Variants in MED4 observed in about 807,000 individuals in gnomAD.
MED4 encodes the protein mediator complex subunit 4, also known as mediator of RNA polymerase II transcription subunit 4.
MED4 carries 21 observed loss-of-function variants against 35.0 expected under a neutral mutation model. The ratio of observed to expected loss-of-function variants is 0.60; its 90% CI spans 0.43 to 0.86. The LOEUF (loss-of-function observed/expected upper bound fraction) is 0.86. Ranked by LOEUF, MED4 falls within the 40% of genes least tolerant of loss-of-function variation. MED4 has a pLI of 0.00. For missense variants in MED4, 300 were observed against 319.4 expected, an observed-to-expected ratio of 0.94 and a Z score of 0.46; for synonymous variants, 138 against 114.0, an observed-to-expected ratio of 1.21 and a Z score of -1.34.
chr13:48,083,373 T>C lies in MED4; in HGVS notation c.419A>G (p.Lys140Arg), dbSNP rs1950824290. Reference protein sequence around the residue: ...EKLKSIEKARKGAISSEEIIK... With the variant: ...EKLKSIEKARRGAISSEEIIK... The stretch of plus-strand genomic sequence containing the variant: ...TTCAGTCTTCCCATGATACTAACCT[T>C]TTCTTGCTTTTTCTATTGACTTGAG... The change falls in exon 4 of 7, where the codon AAA (lysine) becomes AGA (arginine). Residue 140 changes from lysine (K) to arginine (R), a missense_variant and splice_region_variant. Physicochemically the swap from Lys to Arg is conservative, Grantham distance 26 (BLOSUM62 2). Coordinates refer to ENST00000258648, the MANE Select transcript of MED4 (RefSeq NM_014166.4). The C allele has an allele frequency of 6.2e-7, 1 of 1,612,558 alleles. No homozygotes were observed. The highest frequency in any genetic ancestry group is 1.3e-5 in the African/African-American group (1 of 75,008).
In MED4 at chr13:48,077,017, A is replaced by G. The variant is rs1950764467; in HGVS notation, c.*122T>C. 5 of 878,354 alleles carry G rather than the reference A, an allele frequency of 5.7e-6. No individual in the cohort carries two copies. Among genetic ancestry groups the G allele is most frequent in the Admixed American group, 3.5e-5 (1 of 28,442 alleles). The allele number at this position is 878,354 out of a possible 1,614,324, so 54.4% of individuals were successfully genotyped here. A position where few individuals can be genotyped will look rare whatever the true frequency, so the allele number is the denominator to read the frequency against. ...AATTTTGACTTTTAATGACTGCACA[A>G]TTCTACCAAAGCCAGTGTTTACCTG... On this transcript the variant is annotated 3_prime_UTR_variant, in exon 7 of 7. Transcript: ENST00000258648.
At chr13:48,094,197 A>G (rs1950908973) in intron 1 of MED4, among the ~76,000 whole-genome samples, 1 of 152,036 alleles carries the variant, frequency 6.6e-6, no homozygotes, top group Admixed American at 6.6e-5. Flanking sequence ...TACATTTAAG[A>G]AGGAGTTATG....
rs979198265 is a variant in MED4, at chr13:48,076,050, T to C, written c.*1089A>G. The stretch of plus-strand genomic sequence containing the variant: ...CAGGAAATAAACATTATTCTCATTT[T>C]ACAAAAAAGTGTATGTGAACTTTAA... On this transcript the variant is annotated 3_prime_UTR_variant, in exon 7 of 7. Transcript: ENST00000258648. The C allele has an allele frequency of 2.6e-5, 4 of 152,208 alleles. No individual in the cohort carries two copies. The highest frequency in any genetic ancestry group is 7.2e-5 in the African/African-American group (3 of 41,468). 9.4% of individuals were successfully genotyped at this position (152,208 alleles called of 1,614,324 possible).
chr13:48,076,945 G>T lies in MED4; in HGVS notation c.*194C>A, dbSNP rs555592655. ...TATTCCCCTAAATATCTACCTAGTG[G>T]CTTAAAACTAAAACTATGGTCTTTG... On this transcript the variant is annotated 3_prime_UTR_variant, in exon 7 of 7. Coordinates refer to ENST00000258648, the MANE Select transcript of MED4 (RefSeq NM_014166.4). 4.6e-4 allele frequency: 222 copies of T among 477,596 alleles called. 1 individual carries two copies. In the South Asian group the frequency reaches 7.0e-3, roughly 15 times the overall value. The allele number at this position is 477,596 out of a possible 1,614,324, so 29.6% of individuals were successfully genotyped here. A position where few individuals can be genotyped will look rare whatever the true frequency, so the allele number is the denominator to read the frequency against.
Position 48,090,708 on chromosome 13 carries a change from A to C in MED4, c.126-290T>G, listed in dbSNP as rs547602989. The stretch of plus-strand genomic sequence containing the variant: ...GCTTGCAAAGGACAGCTATAAAGAA[A>C]GGACCAGGGAAAAGTCATAAAAACT... On this transcript the variant is annotated intron_variant, in intron 1 of 6. Transcript: ENST00000258648. Among the ~76,000 whole-genome samples the C allele has an allele frequency of 1.3e-3, 204 of 152,364 alleles. 1 individual carries two copies. Among genetic ancestry groups the C allele is most frequent in the East Asian group, 1.3e-3 (7 of 5,188 alleles).
chr13:48,087,446 TA>T (rs1214143094), intron 2 of MED4, among the ~76,000 whole-genome samples: 1 of 152,160 alleles, frequency 6.6e-6, no homozygotes, highest in Non-Finnish European at 1.5e-5. Context: ...ACCAAGAACT[TA>T]AGAAAACTTT....
chr13:48,080,396 C>CAAAAAAAAAA (rs57198503), intron 5 of MED4, among the ~76,000 whole-genome samples: 11 of 68,798 alleles, frequency 1.6e-4, no homozygotes, highest in East Asian at 8.2e-4. Flanking sequence ...GACCCTGTCT[C>CAAAAAAAAAA]AAAAAAAAAA....
At chr13:48,084,265 C>CAAAAAAAAAAAA (rs71099664) in intron 3 of MED4, among the ~76,000 whole-genome samples, 2 of 109,974 alleles carry the variant, frequency 1.8e-5, no homozygotes, top group African/African-American at 7.2e-5. Context: ...GACTCTGTCT[C>CAAAAAAAAAAAA]AAAAAAAAAA....
chr13:48,079,217 A>C (rs141580504), intron 6 of MED4, among the ~76,000 whole-genome samples: 115 of 152,312 alleles, frequency 7.6e-4, no homozygotes, highest in African/African-American at 2.5e-3. Flanking sequence ...GTTGTTCAGG[A>C]GTGTGTTCAC....
At chr13:48,094,380 T>C (rs1232871369) in intron 1 of MED4, among the ~76,000 whole-genome samples, 2 of 152,200 alleles carry the variant, frequency 1.3e-5, no homozygotes, top group African/African-American at 4.8e-5. Context: ...CTCCTATCTC[T>C]GACACACAAC....
chr13:48,079,775 A>C, intron 6 of MED4, 69 bp downstream of exon 6: 6 of 1,539,414 alleles, frequency 3.9e-6, no homozygotes, highest in Non-Finnish European at 5.3e-6. Flanking sequence ...CTTTACCGCC[A>C]GATATTCCAA....
rs1001665 is a variant in MED4 at position 48,090,837 on chromosome 13, G to A, written c.126-419C>T. On this transcript the variant is annotated intron_variant, in intron 1 of 6. Coordinates refer to ENST00000258648, the MANE Select transcript of MED4 (RefSeq NM_014166.4). ...AGACAATGCATTATGAGCGATTTATGCAAGAAAAACTCATACATCAGGGGT... is the reference window on the plus strand; with the variant it reads ...AGACAATGCATTATGAGCGATTTATACAAGAAAAACTCATACATCAGGGGT... Among the ~76,000 whole-genome samples, 1,324 of 152,322 alleles carry A rather than the reference G, an allele frequency of 8.7e-3. 16 individuals carry two copies. The highest frequency in any genetic ancestry group is 0.021 in the South Asian group (102 of 4,832).
chr13:48,094,979 G>A lies in MED4; in HGVS notation c.100C>T (p.Leu34Phe), dbSNP rs1217572488. Reference sequence around the variant, plus strand: ...CTAGACAGGACCTCCAAGTCCTCAAGCGCAGACAGCAGCCGCTCTCGTGTG... The same window carrying A: ...CTAGACAGGACCTCCAAGTCCTCAAACGCAGACAGCAGCCGCTCTCGTGTG... ...NSTRERLLSALEDLEVLSREL... is the reference protein window; with the variant it reads ...NSTRERLLSAFEDLEVLSREL... Residue 34 changes from leucine (L) to phenylalanine (F), a missense_variant, in exon 1 of 7, where the codon CTT (leucine) becomes TTT (phenylalanine). Physicochemically the swap from Leu to Phe is conservative, Grantham distance 22. Transcript: ENST00000258648. 1 of 1,603,812 alleles carries A rather than the reference G, an allele frequency of 6.2e-7. No homozygotes were observed. Among genetic ancestry groups the A allele is most frequent in the Admixed American group, 1.7e-5 (1 of 59,994 alleles).
At chr13:48,094,572 G>A (rs915670300) in intron 1 of MED4, among the ~76,000 whole-genome samples, 2 of 151,964 alleles carry the variant, frequency 1.3e-5, no homozygotes, top group African/African-American at 4.8e-5. Flanking sequence ...CCGCAGCGCA[G>A]CCCTCTAATA....
Position 48,076,046 on chromosome 13 carries a change from A to T in MED4, c.*1093T>A, listed in dbSNP as rs1165263787. The T allele has an allele frequency of 1.3e-5, 2 of 152,206 alleles. No individual in the cohort carries two copies. Among genetic ancestry groups the T allele is most frequent in the Non-Finnish European group, 2.9e-5 (2 of 68,008 alleles). 9.4% of individuals were successfully genotyped at this position (152,206 alleles called of 1,614,324 possible). A position where few individuals can be genotyped will look rare whatever the true frequency, so the allele number is the denominator to read the frequency against. On this transcript the variant is annotated 3_prime_UTR_variant, in exon 7 of 7. Transcript: ENST00000258648. Reference sequence around the variant, plus strand: ...ATCTCAGGAAATAAACATTATTCTCATTTTACAAAAAAGTGTATGTGAACT... The same window carrying T: ...ATCTCAGGAAATAAACATTATTCTCTTTTTACAAAAAAGTGTATGTGAACT...
chr13:48,088,808 C>T (rs1950870447), intron 2 of MED4, among the ~76,000 whole-genome samples: 1 of 152,146 alleles, frequency 6.6e-6, no homozygotes, highest in African/African-American at 2.4e-5. Flanking sequence ...TTCTAAAATT[C>T]TATATAAAAT....
chr13:48,077,376 C>T, intron 6 of MED4, 65 bp from the exon 7 acceptor site: 7 of 1,245,658 alleles, frequency 5.6e-6, no homozygotes, highest in Non-Finnish European at 7.5e-6. Context: ...TCTTACTTTT[C>T]CCTTTATGCA....
rs1403150055 is a variant in MED4 at position 48,075,983 on chromosome 13, T to C, written c.*1156A>G. On this transcript the variant is annotated 3_prime_UTR_variant, in exon 7 of 7. Transcript: ENST00000258648. ...TGGAAAAATGGAATTCTCAGTTCAT[T>C]TGAAGAATACAGATTAGCAATTAAA... The C allele has an allele frequency of 6.6e-6, 1 of 152,164 alleles. No individual in the cohort carries two copies. The highest frequency in any genetic ancestry group is 1.5e-5 in the Non-Finnish European group (1 of 68,012). The allele number at this position is 152,164 out of a possible 1,614,324, so 9.4% of individuals were successfully genotyped here.
At chr13:48,091,874 G>A (rs1248144508) in intron 1 of MED4, among the ~76,000 whole-genome samples, 1 of 152,172 alleles carries the variant, frequency 6.6e-6, no homozygotes, top group Non-Finnish European at 1.5e-5. Flanking sequence ...TAAGGGCACA[G>A]CTTTGACATA....
Sources: gnomAD v4.1 joint callset for allele counts (sites outside exome capture counted in the v4.1 genomes callset) on GRCh38, gnomAD v4.1.1 for gene constraint, MANE v1.5 for transcripts, NCBI Gene and HGNC (gene_info 2026-07-23, HGNC 2026-07-21) for gene names.